SEC23A: variants seen among roughly 807,000 people sequenced by gnomAD.
SEC23A encodes SEC23 homolog A, COPII component.
A neutral mutation model predicts 103.7 loss-of-function variants in SEC23A; 56 were observed. That is an observed-to-expected ratio of 0.54 (90% CI 0.44 to 0.67). The LOEUF is 0.67. SEC23A is among the 30% of genes least tolerant of loss of function. The probability of loss-of-function intolerance (pLI) is 0.00; values close to 1 mark genes in which losing one functional copy is unlikely to be tolerated. For missense variants in SEC23A, 784 were observed against 936.4 expected (o/e 0.84, Z 2.12); for synonymous variants, 281 against 293.0 (o/e 0.96, Z 0.42).
intron 1 of SEC23A, among the ~76,000 whole-genome samples, chr14:39,097,075 T>A (rs1198406810): frequency 6.6e-6 from 1 of 152,208 alleles, no homozygotes; most frequent in Non-Finnish European, 1.5e-5. Flanking sequence ...ATTTTGAACA[T>A]TCCAAATTAT....
At chr14:39,050,022 C>G (rs1463138088) in intron 14 of SEC23A, among the ~76,000 whole-genome samples, 3 of 152,010 alleles carry the variant, frequency 2.0e-5, no homozygotes, top group African/African-American at 4.8e-5. Context: ...CCCGTCTCGG[C>G]CTCCCAAAAT....
chr14:39,041,408 G>GAAAAAA (rs1885631519), intron 17 of SEC23A: 1 of 8,818 alleles, frequency 1.1e-4, no homozygotes, highest in Non-Finnish European at 2.1e-4. Flanking sequence ...CAAAGAAAAA[G>GAAAAAA]CAAAAAAAAA....
intron 9 of SEC23A, among the ~76,000 whole-genome samples, chr14:39,069,143 T>C (rs1005930134): frequency 6.6e-6 from 1 of 152,284 alleles, no homozygotes; most frequent in Non-Finnish European, 1.5e-5. Context: ...TATGAAGGAA[T>C]TGTCCACACC....
Position 39,032,116 on chromosome 14 carries a change from C to T in SEC23A, c.*1123G>A, listed in dbSNP as rs1885325905. 1 of 152,552 alleles carries T rather than the reference C, an allele frequency of 6.6e-6. No homozygotes were observed. The highest frequency in any genetic ancestry group is 6.5e-5 in the Admixed American group (1 of 15,272). 9.4% of individuals were successfully genotyped at this position (152,552 alleles called of 1,614,324 possible). On this transcript the variant is annotated 3_prime_UTR_variant, in exon 20 of 20. Coordinates refer to ENST00000307712, the MANE Select transcript of SEC23A (RefSeq NM_006364.4). ...GTCCTCCTAAGCATATATCATAGCA[C>T]CACCTTTTATTTGCAGTACTTGATA...
intron 2 of SEC23A, among the ~76,000 whole-genome samples, chr14:39,095,345 G>A (rs1204446908): frequency 6.6e-6 from 1 of 150,672 alleles, no homozygotes; most frequent in Non-Finnish European, 1.5e-5. Context: ...ACCCAGAGTT[G>A]GAGTACAGAG....
chr14:39,080,927 C>A (rs117756524), intron 7 of SEC23A, among the ~76,000 whole-genome samples: 4,113 of 151,980 alleles, frequency 0.027, 148 homozygotes, highest in Admixed American at 0.095. Context: ...TTTACAAGGG[C>A]AAGAAAATAA....
At chr14:39,056,421 C>A (rs1190609747) in intron 13 of SEC23A, among the ~76,000 whole-genome samples, 2 of 152,182 alleles carry the variant, frequency 1.3e-5, no homozygotes, top group Non-Finnish European at 2.9e-5. Flanking sequence ...GCGTGAGCCA[C>A]CACGCCCAGC....
intron 17 of SEC23A, 44 bp from the exon 18 acceptor site, chr14:39,040,931 C>G: frequency 1.9e-6 from 3 of 1,551,800 alleles, no homozygotes; most frequent in Non-Finnish European, 2.6e-6. Context: ...ATTTCTTGCC[C>G]ATCCAAAAAT....
rs552511530 is a variant in SEC23A, at chr14:39,096,506, G to A, written c.-21-367C>T. 3.2e-4 allele frequency among the ~76,000 whole-genome samples: 49 copies of A among 150,908 alleles called. No homozygotes were observed. In the East Asian group the frequency reaches 9.0e-3, roughly 28 times the overall value. ...GATCATTCCGTTGCACTCCAGCCTG[G>A]GCAACAAGAGCAAAACTCCATCTCA... On this transcript the variant is annotated intron_variant, in intron 1 of 19. Coordinates refer to ENST00000307712, the MANE Select transcript of SEC23A (RefSeq NM_006364.4).
In SEC23A at chr14:39,091,588, A is replaced by C; in HGVS notation, c.492T>G (p.Val164=). Residue 164 remains valine (V), a synonymous_variant, in exon 5 of 20, where the codon GTT becomes GTG. Coordinates refer to ENST00000307712, the MANE Select transcript of SEC23A (RefSeq NM_006364.4). ...CCATTCTCCCAAAAGTAATAAGTCC[A>C]ACCAAAGCTGTAGGTGGTAAAAGAC... ...SLSLLPPTAL[V]GLITFGRMVQ... The C allele has an allele frequency of 6.2e-7, 1 of 1,614,062 alleles. No homozygotes were observed. The highest frequency in any genetic ancestry group is 1.1e-5 in the South Asian group (1 of 91,084).
At chr14:39,075,889 A>G (rs1242846849) in intron 8 of SEC23A, 46 bp downstream of exon 8, 3 of 1,519,976 alleles carry the variant, frequency 2.0e-6, no homozygotes, top group African/African-American at 2.7e-5. Flanking sequence ...CAGCAAATGA[A>G]TACCTGTTTT....
intron 1 of SEC23A, among the ~76,000 whole-genome samples, chr14:39,099,157 T>G (rs1426611671): frequency 2.2e-5 from 3 of 137,794 alleles, no homozygotes; most frequent in East Asian, 2.1e-4. Context: ...TTTTTGGGTT[T>G]TTTTTTTTTT....
intron 13 of SEC23A, among the ~76,000 whole-genome samples, chr14:39,060,855 TC>T (rs1471570342): frequency 6.6e-6 from 1 of 152,200 alleles, no homozygotes; most frequent in Non-Finnish European, 1.5e-5. Flanking sequence ...GCCTTATTAT[TC>T]CCTTCTGGGG....
At chr14:39,044,447 T>C (rs1885761504) in intron 16 of SEC23A, among the ~76,000 whole-genome samples, 1 of 151,298 alleles carries the variant, frequency 6.6e-6, no homozygotes, top group Non-Finnish European at 1.5e-5. Flanking sequence ...TAAAATATTT[T>C]ACCCATTATT....
chr14:39,049,990 G>T (rs62001133), intron 14 of SEC23A, among the ~76,000 whole-genome samples: 2 of 151,936 alleles, frequency 1.3e-5, no homozygotes, highest in Non-Finnish European at 2.9e-5. Context: ...GGATGGTCTC[G>T]ATCTCCTGAC....
intron 15 of SEC23A, among the ~76,000 whole-genome samples, chr14:39,048,361 C>T (rs888728224): frequency 5.9e-5 from 9 of 152,018 alleles, no homozygotes; most frequent in African/African-American, 1.9e-4. Context: ...ATGTGGCAAT[C>T]TTAGCACTTT....
intron 2 of SEC23A, among the ~76,000 whole-genome samples, chr14:39,093,670 A>C (rs1887741882): frequency 6.6e-6 from 1 of 152,190 alleles, no homozygotes; most frequent in Admixed American, 6.5e-5. Flanking sequence ...CTTAGGTGAG[A>C]GGATCATCTG....
rs999859458 is a variant in SEC23A at position 39,036,415 on chromosome 14, G to A, written c.2208+2616C>T. On this transcript the variant is annotated intron_variant, in intron 19 of 19. Transcript: ENST00000307712. ...AGGCCCTCACCACTGCTGCAAAAGC[G>A]TTTTATTAATCTTCAGTTGATTTTT... 9.9e-5 allele frequency among the ~76,000 whole-genome samples: 15 copies of A among 150,834 alleles called. 1 individual carries two copies. In the East Asian group the frequency reaches 1.7e-3, roughly 18 times the overall value.
chr14:39,094,371 TATACACACACACACACACACACACAC>T (rs1887783705), intron 2 of SEC23A, among the ~76,000 whole-genome samples: 1 of 15,958 alleles, frequency 6.3e-5, no homozygotes, highest in African/African-American at 2.3e-4. Flanking sequence ...TACATATATA[TATACACACACACACACACACACACAC>T]ATATATATAT....
Sources: allele counts gnomAD v4.1 joint callset (sites outside exome capture counted in the v4.1 genomes callset), GRCh38; gene constraint gnomAD v4.1.1; transcripts MANE v1.5; gene names NCBI Gene and HGNC (gene_info 2026-07-23, HGNC 2026-07-21).